Variants in DNASE1 observed in about 807,000 individuals in gnomAD.
DNASE1 encodes the protein deoxyribonuclease-1.
In DNASE1, 40 loss-of-function variants were observed where a neutral mutation model predicts 33.9. The ratio of observed to expected loss-of-function variants is 1.18; its 90% CI spans 0.92 to 1.54. The LOEUF (loss-of-function observed/expected upper bound fraction) is 1.54, where lower values mean the gene tolerates loss of function less well. DNASE1 is among the 40% of genes most tolerant of loss of function. The pLI, the probability that DNASE1 is intolerant of heterozygous loss-of-function variation, is 0.00. For synonymous variants in DNASE1, 216 were observed against 160.0 expected, an observed-to-expected ratio of 1.35 and a Z score of -2.64; for missense variants, 518 against 372.6, an observed-to-expected ratio of 1.39 and a Z score of -3.21.
intron 1 of DNASE1, among the ~76,000 whole-genome samples, chr16:3,645,866 T>A (rs1313403898): frequency 6.6e-6 from 1 of 152,238 alleles, no homozygotes; most frequent in East Asian, 1.9e-4. Flanking sequence ...CCAAGGGCAG[T>A]GCACTGGGCT....
At chr16:3,638,873 T>G (rs990473985), upstream of DNASE1, among the ~76,000 whole-genome samples, 1 of 152,210 alleles carries the variant, frequency 6.6e-6, no homozygotes, top group Non-Finnish European at 1.5e-5. Flanking sequence ...CTTTCAGTGT[T>G]TATTTGGTGT....
intron 1 of DNASE1, among the ~76,000 whole-genome samples, chr16:3,646,763 A>C (rs927017093): frequency 2.0e-5 from 3 of 152,156 alleles, no homozygotes; most frequent in Admixed American, 1.3e-4. Flanking sequence ...GAAGCAGGGC[A>C]GCCAAAGGGA....
chr16:3,658,860 G>GCGTGCCT, downstream of DNASE1: 1 of 1,614,014 alleles, frequency 6.2e-7, no homozygotes, highest in Non-Finnish European at 8.5e-7. Flanking sequence ...CTTGATGAGC[G>GCGTGCCT]CGTGCCTGCA....
At position 3,664,229 on chromosome 16, in the gene DNASE1, C is replaced by A. The variant is rs753159652; in HGVS notation, c.*6276C>A. ...AGAGCTGAGAAGGTCAAGACCCTCC[C>A]CAGGTTGCAGCCCCCGGAGCCCGCC... On this transcript the variant is annotated 3_prime_UTR_variant, in exon 10 of 10. Coordinates refer to the DNASE1 transcript ENST00000407479. 183 of 1,493,214 alleles carry A rather than the reference C, an allele frequency of 1.2e-4. 1 individual carries two copies. In the South Asian group the frequency reaches 2.2e-3, roughly 18 times the overall value. The allele number at this position is 1,493,214 out of a possible 1,614,324, so 92.5% of individuals were successfully genotyped here. A position where few individuals can be genotyped will look rare whatever the true frequency, so the allele number is the denominator to read the frequency against.
chr16:3,664,812 G>C, exon 10 of DNASE1: 1 of 236,682 alleles, frequency 4.2e-6, no homozygotes, highest in Non-Finnish European at 8.2e-6. Flanking sequence ...TCTCTGGTGG[G>C]CACACGGACA....
downstream of DNASE1, chr16:3,662,602 G>A (rs531586888): frequency 7.2e-5 from 46 of 638,548 alleles, no homozygotes; most frequent in African/African-American, 1.2e-4. Context: ...GAACCCCCAC[G>A]TCCTCAGCCA....
rs938098121 is a variant in DNASE1 at position 3,655,529 on chromosome 16, A to G, written c.147+9A>G. The stretch of plus-strand genomic sequence containing the variant: ...TCAGCTACATTGTGCAGGTGAGGCC[A>G]GGGCAGCCTCCCCCCAAAAGCAGAG... On this transcript the variant is annotated intron_variant, in intron 2 of 8. Transcript: ENST00000246949. 6.2e-7 allele frequency: 1 copy of G among 1,614,040 alleles called. No homozygotes were observed. Among genetic ancestry groups the G allele is most frequent in the Non-Finnish European group, 8.5e-7 (1 of 1,180,028 alleles).
At chr16:3,651,255 C>T (rs1209634438), upstream of DNASE1, 1 of 152,206 alleles carries the variant, frequency 6.6e-6, no homozygotes, top group Non-Finnish European at 1.5e-5. Flanking sequence ...AGCATGTGAC[C>T]TGGCTTAGAT....
rs565679012 is a variant in DNASE1, at chr16:3,664,176, C to A, written c.*6223C>A. On this transcript the variant is annotated 3_prime_UTR_variant, in exon 10 of 10. Transcript: ENST00000407479. Reference sequence around the variant, plus strand: ...CCCTGACCCACTGTGCAGCCCTGCCCGGAGTCTTGGGCAGGTTCACCCAGC... The same window carrying A: ...CCCTGACCCACTGTGCAGCCCTGCCAGGAGTCTTGGGCAGGTTCACCCAGC... 5 of 1,319,012 alleles carry A rather than the reference C, an allele frequency of 3.8e-6. No individual in the cohort carries two copies. In the South Asian group the frequency reaches 8.1e-5, roughly 21 times the overall value. The allele number at this position is 1,319,012 out of a possible 1,614,324, so 81.7% of individuals were successfully genotyped here.
chr16:3,657,262 T>TGGACAAGC lies in DNASE1; in HGVS notation c.626_633dup (p.Pro212GlyfsTer9), dbSNP rs1454551176. 2 of 1,613,858 alleles carry TGGACAAGC rather than the reference T, an allele frequency of 1.2e-6. No individual in the cohort carries two copies. Among genetic ancestry groups the TGGACAAGC allele is most frequent in the African/African-American group, 2.7e-5 (2 of 74,938 alleles). On this transcript the variant is annotated frameshift_variant, in exon 7 of 9. Coordinates refer to ENST00000246949, the MANE Select transcript of DNASE1 (RefSeq NM_005223.4). LOFTEE classifies it high-confidence loss of function. ...CTCCCAGTGGTCATCCATCCGCCTG[T>TGGACAAGC]GGACAAGCCCCACCTTCCAGTGGCT...
At chr16:3,652,322 C>T (rs2042362820), upstream of DNASE1, 1 of 152,326 alleles carries the variant, frequency 6.6e-6, no homozygotes. Flanking sequence ...GAAGCTGCAC[C>T]AGGCAGTTTC....
intron 1 of DNASE1, among the ~76,000 whole-genome samples, chr16:3,633,785 C>G (rs1214158518): frequency 6.6e-6 from 1 of 152,060 alleles, no homozygotes; most frequent in Admixed American, 6.6e-5. Flanking sequence ...ATTAATTTCA[C>G]TTATTCAAAA....
At chr16:3,616,265 C>T (rs779290884) in intron 1 of DNASE1, among the ~76,000 whole-genome samples, 1 of 152,110 alleles carries the variant, frequency 6.6e-6, no homozygotes, top group African/African-American at 2.4e-5. Context: ...CAGCATAATC[C>T]CTATCAAAAT....
chr16:3,618,139 G>C (rs777504138), intron 1 of DNASE1, among the ~76,000 whole-genome samples: 1 of 151,400 alleles, frequency 6.6e-6, no homozygotes, highest in Non-Finnish European at 1.5e-5. Context: ...CCAAAGAGTG[G>C]CAGGTGCCAA....
chr16:3,643,832 G>A (rs1026449505), intron 1 of DNASE1, among the ~76,000 whole-genome samples: 1 of 152,094 alleles, frequency 6.6e-6, no homozygotes, highest in African/African-American at 2.4e-5. Flanking sequence ...CGCGATCTCG[G>A]CTCACTGCAA....
At chr16:3,647,225 G>A (rs2042200030) in intron 1 of DNASE1, among the ~76,000 whole-genome samples, 1 of 150,120 alleles carries the variant, frequency 6.7e-6, no homozygotes, top group African/African-American at 2.4e-5. Context: ...TGCTTTAAAA[G>A]CTTTTGATTT....
chr16:3,659,194 T>TGAAACATATTA (rs1465290212), downstream of DNASE1: 1 of 245,630 alleles, frequency 4.1e-6, no homozygotes, highest in Non-Finnish European at 7.9e-6. Flanking sequence ...ACCCACATGT[T>TGAAACATATTA]GAAACATATT....
chr16:3,638,836 A>T (rs184121043), upstream of DNASE1, among the ~76,000 whole-genome samples: 2 of 152,156 alleles, frequency 1.3e-5, no homozygotes, highest in African/African-American at 4.8e-5. Context: ...TTCAATTGCT[A>T]TGTCTTCAAA....
upstream of DNASE1, among the ~76,000 whole-genome samples, chr16:3,639,559 G>A (rs540687940): frequency 1.6e-4 from 25 of 152,296 alleles, no homozygotes; most frequent in African/African-American, 6.0e-4. Context: ...TCCTAGGTCT[G>A]AATCCTTCCC....
Sources: allele counts gnomAD v4.1 joint callset (sites outside exome capture counted in the v4.1 genomes callset), GRCh38; gene constraint gnomAD v4.1.1; transcripts MANE v1.5; gene names NCBI Gene and HGNC (gene_info 2026-07-23, HGNC 2026-07-21).